EIF3CL: variants seen among roughly 807,000 people sequenced by gnomAD.
EIF3CL encodes eukaryotic translation initiation factor 3 subunit C like, also known as eukaryotic translation initiation factor 3 subunit C-like protein.
For missense variants in EIF3CL, 5 were observed against 56.1 expected (o/e 0.09, Z 2.91); for synonymous variants, 2 against 19.6 (o/e 0.10, Z 2.37).
chr16:28,387,508 C>T (rs1436607301), intron 15 of EIF3CL, among the ~76,000 whole-genome samples: 1 of 150,330 alleles, frequency 6.7e-6, no homozygotes, highest in Non-Finnish European at 1.5e-5. Context: ...ATGGTATAAC[C>T]ACTTTTGAGT....
At chr16:28,421,804 C>T in the EIF3CL span, among the ~76,000 whole-genome samples, 16 of 137,626 alleles carry the variant, frequency 1.2e-4, no homozygotes, top group Admixed American at 4.4e-4. Flanking sequence ...AGAGCAAGAC[C>T]GTGTCTCAAA....
At chr16:28,411,136 C>A in the EIF3CL span, among the ~76,000 whole-genome samples, 1 of 150,554 alleles carries the variant, frequency 6.6e-6, no homozygotes, top group Non-Finnish European at 1.5e-5. Context: ...CTCTGCCTCC[C>A]GGGTTTAAGC....
the EIF3CL span, among the ~76,000 whole-genome samples, chr16:28,417,872 CAA>C: frequency 0.15 from 16,142 of 108,358 alleles, 151 homozygotes; most frequent in Non-Finnish European, 0.17. Flanking sequence ...TTTAGGAATG[CAA>C]AAAAAAAAAA....
chr16:28,382,168 C>A (rs1485006787), intron 16 of EIF3CL, among the ~76,000 whole-genome samples: 1 of 65,612 alleles, frequency 1.5e-5, no homozygotes, highest in Non-Finnish European at 3.8e-5. Flanking sequence ...TGAGACTGCG[C>A]CACTGCACTC....
At chr16:28,410,786 AC>A in the EIF3CL span, among the ~76,000 whole-genome samples, 6,053 of 140,408 alleles carry the variant, frequency 0.043, 172 homozygotes, top group African/African-American at 0.16. Context: ...TTTTGTAGAG[AC>A]GGGGGGGGCC....
At chr16:28,402,728 TG>T (rs1439506605) in intron 2 of EIF3CL, among the ~76,000 whole-genome samples, 7 of 84,782 alleles carry the variant, frequency 8.3e-5, no homozygotes, top group African/African-American at 3.1e-4. Flanking sequence ...ACCATTCCAG[TG>T]GGGCACAGTG....
the EIF3CL span, among the ~76,000 whole-genome samples, chr16:28,417,225 C>T: frequency 6.7e-6 from 1 of 149,240 alleles, no homozygotes; most frequent in Non-Finnish European, 1.5e-5. Flanking sequence ...GCGAGCCGCC[C>T]CATCCGGGAA....
chr16:28,416,718 G>C, the EIF3CL span, among the ~76,000 whole-genome samples: 2 of 112,264 alleles, frequency 1.8e-5, no homozygotes. Context: ...AGTGAGGAGC[G>C]TCTCCGCCCG....
At chr16:28,422,696 G>A in the EIF3CL span, among the ~76,000 whole-genome samples, 8 of 145,162 alleles carry the variant, frequency 5.5e-5, no homozygotes, top group African/African-American at 2.6e-5. Flanking sequence ...AATTAGCCAG[G>A]TGTGGTGGCG....
chr16:28,414,445 C>G, the EIF3CL span: 2 of 303,002 alleles, frequency 6.6e-6, no homozygotes, highest in South Asian at 5.1e-5. Context: ...GAACACCAAG[C>G]CTGATGAGAA....
the EIF3CL span, among the ~76,000 whole-genome samples, chr16:28,417,214 G>A: frequency 2.7e-5 from 4 of 148,686 alleles, no homozygotes; most frequent in South Asian, 4.2e-4. Flanking sequence ...CCCCCTGCCC[G>A]GCGAGCCGCC....
the EIF3CL span, among the ~76,000 whole-genome samples, chr16:28,425,080 T>A: frequency 1.9e-4 from 1 of 5,180 alleles, no homozygotes; most frequent in Admixed American, 3.5e-3. Flanking sequence ...GGAGTCTCGC[T>A]CTGTCACCAG....
the EIF3CL span, among the ~76,000 whole-genome samples, chr16:28,423,711 A>G: frequency 1.6e-4 from 10 of 62,782 alleles, no homozygotes; most frequent in East Asian, 1.0e-3. Flanking sequence ...GGCGTGAGCC[A>G]CCGTGCCCAG....
the EIF3CL span, among the ~76,000 whole-genome samples, chr16:28,416,045 G>C: frequency 0.019 from 535 of 27,604 alleles, 37 homozygotes; most frequent in African/African-American, 0.094. Context: ...ACGGGGTTTC[G>C]CTGTGTTGGC....
the EIF3CL span, among the ~76,000 whole-genome samples, chr16:28,410,670 T>G: frequency 2.0e-5 from 3 of 149,320 alleles, no homozygotes; most frequent in African/African-American, 7.3e-5. Flanking sequence ...TGCAGCAGCC[T>G]TGAACTCCTG....
At chr16:28,422,573 C>T in the EIF3CL span, among the ~76,000 whole-genome samples, 1 of 140,716 alleles carries the variant, frequency 7.1e-6, no homozygotes, top group Admixed American at 7.5e-5. Context: ...TGGCTCAAGC[C>T]TGTAATACCC....
chr16:28,403,098 C>T (rs2045666963), intron 2 of EIF3CL, among the ~76,000 whole-genome samples: 1 of 144,586 alleles, frequency 6.9e-6, no homozygotes, highest in African/African-American at 2.5e-5. Context: ...AATGTTTAAG[C>T]ACCTGCGTAC....
the EIF3CL span, chr16:28,414,474 C>T: frequency 3.5e-6 from 1 of 285,772 alleles, no homozygotes; most frequent in Non-Finnish European, 6.7e-6. Flanking sequence ...ACTACCTGGT[C>T]ATCTGGTGTG....
At chr16:28,403,170 T>C (rs1294209388) in intron 2 of EIF3CL, among the ~76,000 whole-genome samples, 1 of 129,986 alleles carries the variant, frequency 7.7e-6, no homozygotes, top group Non-Finnish European at 1.7e-5. Flanking sequence ...TCAAGCATTT[T>C]GCATTTCCTT....
Sources: allele counts gnomAD v4.1 joint callset (sites outside exome capture counted in the v4.1 genomes callset), GRCh38; gene constraint gnomAD v4.1.1; transcripts MANE v1.5; gene names NCBI Gene and HGNC (gene_info 2026-07-23, HGNC 2026-07-21).